OTOGL: variants seen among roughly 807,000 people sequenced by gnomAD.
OTOGL encodes otogelin-like protein.
In OTOGL, 285 loss-of-function variants were observed where a neutral mutation model predicts 318.5. The ratio of observed to expected loss-of-function variants is 0.89; its 90% confidence interval spans 0.81 to 0.99. The LOEUF (loss-of-function observed/expected upper bound fraction) is 0.99, where lower values mean the gene tolerates loss of function less well. Ranked by LOEUF, OTOGL falls within the 50% of genes least tolerant of loss-of-function variation. The pLI is 0.00. For missense variants in OTOGL, 2,899 were observed against 2,845.6 expected (o/e 1.02, Z -0.43); for synonymous variants, 987 against 936.5 (o/e 1.05, Z -0.99).
intron 9 of OTOGL, among the ~76,000 whole-genome samples, chr12:80,237,243 C>A (rs1879949958): frequency 1.3e-5 from 2 of 152,124 alleles, no homozygotes; most frequent in African/African-American, 4.8e-5. Context: ...AGGGATACAG[C>A]AATAGAACAG....
chr12:80,352,336 T>C lies in OTOGL; in HGVS notation c.5307T>C (p.Tyr1769=), dbSNP rs183555119. 2.8e-3 allele frequency: 4,434 copies of C among 1,612,054 alleles called. 14 individuals are homozygous for C. Among genetic ancestry groups the C allele is most frequent in the Non-Finnish European group, 2.9e-3 (3,474 of 1,179,134 alleles). The change falls in exon 45 of 59, where the codon TAT becomes TAC. Residue 1769 remains tyrosine, a synonymous_variant. Coordinates refer to ENST00000547103, the MANE Select transcript of OTOGL (RefSeq NM_001378609.3). ...EDFCEKMWIN[Y]TYFWNYECDA... ...TTTGTGAAAAGATGTGGATCAATTA[T>C]ACCTATTTTTGGAACTATGAATGTG...
chr12:80,325,987 G>A (rs1887654702), intron 35 of OTOGL, among the ~76,000 whole-genome samples: 2 of 152,142 alleles, frequency 1.3e-5, no homozygotes, highest in African/African-American at 4.8e-5. Flanking sequence ...TGTTTGGGAT[G>A]CAGAGAAGAG....
intron 17 of OTOGL, 34 bp downstream of exon 17, chr12:80,256,494 C>T (rs966532155): frequency 2.0e-6 from 2 of 1,010,984 alleles, no homozygotes; most frequent in African/African-American, 4.6e-5. Flanking sequence ...ACTTTCTTTA[C>T]ATCAAACAAA....
chr12:80,302,064 G>A (rs1287862164), intron 27 of OTOGL, among the ~76,000 whole-genome samples: 3 of 151,814 alleles, frequency 2.0e-5, no homozygotes, highest in Non-Finnish European at 4.4e-5. Flanking sequence ...TTGTTAAGTT[G>A]AGAACTTTCC....
intron 5 of OTOGL, among the ~76,000 whole-genome samples, chr12:80,218,795 C>CTTTTTTTTTTTTTTTTTTTTTTTCT (rs34204072): frequency 1.7e-5 from 2 of 118,240 alleles, no homozygotes; most frequent in African/African-American, 3.5e-5. Flanking sequence ...CTTTTTCTTT[C>CTTTTTTTTTTTTTTTTTTTTTTTCT]TTTTTTTTTT....
intron 26 of OTOGL, among the ~76,000 whole-genome samples, chr12:80,291,336 G>C (rs191213889): frequency 4.9e-4 from 75 of 152,216 alleles, no homozygotes; most frequent in Non-Finnish European, 6.9e-4. Context: ...AGTATATTTG[G>C]CTTGATTATT....
At chr12:80,307,854 G>A (rs1886291669) in intron 29 of OTOGL, among the ~76,000 whole-genome samples, 1 of 140,342 alleles carries the variant, frequency 7.1e-6, no homozygotes, top group Admixed American at 6.8e-5. Context: ...CAGGGCGGCT[G>A]GCCGGGCGGG....
At position 80,255,184 on chromosome 12, in the gene OTOGL, A is replaced by G. The variant is rs1244231637; in HGVS notation, c.1586A>G (p.Gln529Arg). Residue 529 changes from glutamine to arginine, a missense_variant and splice_region_variant, in exon 16 of 59, where the codon CAG (glutamine) becomes CGG (arginine). Gln to Arg is a conservative substitution (Grantham distance 43). Transcript: ENST00000547103. The part of the protein sequence containing the change: ...TITLQKAPCE[Q>R]NLGLVCLQSI... ...ACTTTACAGAAAGCTCCCTGTGAGC[A>G]GGTAAGAACATTTCAAAATGACCAG... The G allele has an allele frequency of 6.8e-7, 1 of 1,480,926 alleles. No homozygotes were observed. Among genetic ancestry groups the G allele is most frequent in the Middle Eastern group, 1.8e-4 (1 of 5,600 alleles). The allele number at this position is 1,480,926 out of a possible 1,614,324, so 91.7% of individuals were successfully genotyped here. A position where few individuals can be genotyped will look rare whatever the true frequency, so the allele number is the denominator to read the frequency against.
intron 4 of OTOGL, among the ~76,000 whole-genome samples, chr12:80,215,624 G>A (rs984856083): frequency 2.4e-4 from 36 of 152,138 alleles, no homozygotes; most frequent in African/African-American, 8.5e-4. Flanking sequence ...AAGGCGATAG[G>A]CCCTATAAGG....
rs1886561808 is a variant in OTOGL, at chr12:80,310,551, A to T, written c.3334-60A>T. The T allele has an allele frequency of 1.3e-5, 15 of 1,159,262 alleles. No homozygotes were observed. The Admixed American group carries it at 2.6e-4, about 20-fold the overall frequency. 71.8% of individuals were successfully genotyped at this position (1,159,262 alleles called of 1,614,324 possible). On this transcript the variant is annotated intron_variant, in intron 29 of 58. Coordinates refer to ENST00000547103, the MANE Select transcript of OTOGL (RefSeq NM_001378609.3). ...TGTAATGAGTGAAGTTGGGTAGGTT[A>T]CTCTGTTTGAGAAATTGTCCCTTTG...
At chr12:80,137,098 C>T (rs1016118320) in intron 1 of OTOGL, among the ~76,000 whole-genome samples, 7 of 152,054 alleles carry the variant, frequency 4.6e-5, no homozygotes, top group Non-Finnish European at 5.9e-5. Context: ...TTTTCCTCTC[C>T]AACAACAAGA....
In OTOGL at chr12:80,103,110, C is replaced by T. The variant is rs746118018; in HGVS notation, c.-20+3505C>T. On this transcript the variant is annotated intron_variant, in intron 1 of 58. Coordinates refer to ENST00000547103, the MANE Select transcript of OTOGL (RefSeq NM_001378609.3). ...TTCAATGTAGATAACATATTTCTTC[C>T]TGTAAACCTGGACCACTTTGCCAAT... The T allele has an allele frequency of 3.7e-5, 41 of 1,095,100 alleles. No individual in the cohort carries two copies. In the Admixed American group the frequency reaches 6.9e-4, roughly 18 times the overall value. 67.8% of individuals were successfully genotyped at this position (1,095,100 alleles called of 1,614,324 possible).
At chr12:80,148,567 G>A (rs1364661040) in intron 1 of OTOGL, among the ~76,000 whole-genome samples, 5 of 151,510 alleles carry the variant, frequency 3.3e-5, no homozygotes, top group Non-Finnish European at 5.9e-5. Context: ...TCTTTGTGGT[G>A]TTCTCTGTAT....
At chr12:80,117,929 C>A (rs1870262428) in intron 1 of OTOGL, among the ~76,000 whole-genome samples, 1 of 152,154 alleles carries the variant, frequency 6.6e-6, no homozygotes, top group African/African-American at 2.4e-5. Flanking sequence ...GCTTCCTTAT[C>A]AAAAACACAT....
chr12:80,108,902 A>G (rs184766457), intron 1 of OTOGL, among the ~76,000 whole-genome samples: 2 of 129,606 alleles, frequency 1.5e-5, no homozygotes, highest in Non-Finnish European at 3.1e-5. Context: ...GTGTATATAT[A>G]TGTGTATATA....
intron 5 of OTOGL, among the ~76,000 whole-genome samples, chr12:80,219,074 T>C (rs1426698916): frequency 1.3e-5 from 2 of 152,114 alleles, no homozygotes; most frequent in African/African-American, 4.8e-5. Context: ...TTGAGTTTTA[T>C]GCTTTGCCTG....
chr12:80,280,144 G>T (rs1011696348), intron 26 of OTOGL, among the ~76,000 whole-genome samples: 1 of 151,550 alleles, frequency 6.6e-6, no homozygotes, highest in African/African-American at 2.4e-5. Flanking sequence ...TTCTAATGGG[G>T]TTGTTTTGTA....
At chr12:80,126,214 T>C (rs1870826152) in intron 1 of OTOGL, among the ~76,000 whole-genome samples, 1 of 152,206 alleles carries the variant, frequency 6.6e-6, no homozygotes, top group Non-Finnish European at 1.5e-5. Context: ...GCTTTGAATG[T>C]GTCCTAGAGA....
At chr12:80,113,547 T>C (rs1218608946) in intron 1 of OTOGL, among the ~76,000 whole-genome samples, 1 of 152,202 alleles carries the variant, frequency 6.6e-6, no homozygotes, top group African/African-American at 2.4e-5. Context: ...TCAGTTTCCA[T>C]GTAATTGTGT....
Sources: allele counts gnomAD v4.1 joint callset (sites outside exome capture counted in the v4.1 genomes callset), GRCh38; gene constraint gnomAD v4.1.1; transcripts MANE v1.5; gene names NCBI Gene and HGNC (gene_info 2026-07-23, HGNC 2026-07-21).